The following TOP1MT variants were observed in gnomAD, a reference collection of about 807,000 sequenced individuals.
The protein encoded by TOP1MT is DNA topoisomerase I mitochondrial, also known as DNA topoisomerase I, mitochondrial.
A neutral mutation model predicts 73.9 loss-of-function variants in TOP1MT; 80 were observed. That is an observed-to-expected ratio of 1.08 (90% CI 0.90 to 1.30). The LOEUF (loss-of-function observed/expected upper bound fraction) is 1.30. Among genes scored for constraint, TOP1MT ranks in the 50% most tolerant of loss-of-function variants. TOP1MT has a pLI of 0.00. For missense variants in TOP1MT, 815 were observed against 808.0 expected (o/e 1.01, Z -0.10); for synonymous variants, 338 against 326.4 (o/e 1.04, Z -0.38).
intron 12 of TOP1MT, among the ~76,000 whole-genome samples, chr8:143,313,281 T>G (rs144658428): frequency 1.3e-5 from 2 of 152,310 alleles, no homozygotes; most frequent in African/African-American, 2.4e-5. Flanking sequence ...CCGGGCGCAG[T>G]TGCTCACACC....
Position 143,325,297 on chromosome 8 carries a change from C to A in TOP1MT, c.671+49G>T, listed in dbSNP as rs747614398. On this transcript the variant is annotated intron_variant, in intron 5 of 13. Transcript: ENST00000329245. ...GGAGGTGAAGAAAAGCCAGCCTCAC[C>A]CGGGTGGCGGGGGTCCAGTGCCCGC... 11 of 1,525,724 alleles carry A rather than the reference C, an allele frequency of 7.2e-6. No homozygotes were observed. In the African/African-American group the frequency reaches 9.7e-5, roughly 13 times the overall value. 94.5% of individuals were successfully genotyped at this position (1,525,724 alleles called of 1,614,324 possible). A position where few individuals can be genotyped will look rare whatever the true frequency, so the allele number is the denominator to read the frequency against.
chr8:143,326,129 C>T, intron 4 of TOP1MT, 93 bp downstream of exon 4: 1 of 1,450,778 alleles, frequency 6.9e-7, no homozygotes, highest in Non-Finnish European at 9.3e-7. Context: ...AGGGGCTTCT[C>T]TAAGGCCACA....
At chr8:143,345,232 C>A (rs1817199992), upstream of TOP1MT, among the ~76,000 whole-genome samples, 1 of 152,216 alleles carries the variant, frequency 6.6e-6, no homozygotes, top group African/African-American at 2.4e-5. Context: ...GGAGCTTACC[C>A]TCACTGGGCA....
chr8:143,352,281 C>T (rs1007989679), intron 1 of TOP1MT, among the ~76,000 whole-genome samples: 1 of 152,170 alleles, frequency 6.6e-6, no homozygotes, highest in African/African-American at 2.4e-5. Flanking sequence ...ATTCATACTT[C>T]CTGATTTCAA....
Position 143,334,810 on chromosome 8 carries a change from C to T in TOP1MT, c.52G>A (p.Glu18Lys). Residue 18 changes from glutamate to lysine, a missense_variant, in exon 1 of 14, where the codon GAG (glutamate) becomes AAG (lysine). Physicochemically the swap from Glu to Lys is moderately conservative, Grantham distance 56. Transcript: ENST00000329245. ...RLRAALTLLGEVPRRPASRGV... is the reference protein window; with the variant it reads ...RLRAALTLLGKVPRRPASRGV... ...CGGGAGGCCGGGCGGCGGGGGACCT[C>T]CCCGAGCAGCGTCAGAGCCGCCCGG... The T allele has an allele frequency of 6.4e-7, 1 of 1,566,968 alleles. No homozygotes were observed. Among genetic ancestry groups the T allele is most frequent in the Non-Finnish European group, 8.6e-7 (1 of 1,164,508 alleles).
chr8:143,327,698 T>C (rs1413377552), intron 3 of TOP1MT: 4 of 397,338 alleles, frequency 1.0e-5, no homozygotes, highest in Non-Finnish European at 2.0e-5. Context: ...AGAGGGAGAA[T>C]GAGGATGCCG....
Position 143,309,536 on chromosome 8 carries a change from G to T in TOP1MT, c.1711C>A (p.Arg571=), listed in dbSNP as rs151194834. 12 of 1,613,516 alleles carry T rather than the reference G, an allele frequency of 7.4e-6. No individual in the cohort carries two copies. In the South Asian group the frequency reaches 7.7e-5, roughly 10 times the overall value. ...DPRISIAWCK[R]FRVPVEKIYS... ...ATCTTCTCCACTGGCACCCTGAACC[G>T]CTTGCACCTGCGGGAGGCAGCATCA... The change falls in exon 14 of 14, where the codon CGG becomes AGG. Residue 571 remains arginine, a synonymous_variant. Coordinates refer to ENST00000329245, the MANE Select transcript of TOP1MT (RefSeq NM_052963.3).
chr8:143,322,242 CCA>C (rs202179714), intron 7 of TOP1MT, among the ~76,000 whole-genome samples: 2 of 43,098 alleles, frequency 4.6e-5, no homozygotes, highest in Non-Finnish European at 8.6e-5. Flanking sequence ...CACATGCATG[CCA>C]CACACGCACG....
chr8:143,353,489 C>G (rs1022347673), intron 1 of TOP1MT, among the ~76,000 whole-genome samples: 1 of 150,628 alleles, frequency 6.6e-6, no homozygotes, highest in African/African-American at 2.4e-5. Context: ...GGCCGATAAA[C>G]ACATGAAAAG....
chr8:143,350,736 T>C (rs1413207520), intron 1 of TOP1MT, among the ~76,000 whole-genome samples: 1 of 152,276 alleles, frequency 6.6e-6, no homozygotes, highest in Non-Finnish European at 1.5e-5. Flanking sequence ...TAAATCAGAA[T>C]TGAAACAAAG....
chr8:143,326,490 C>A (rs1244233211), intron 3 of TOP1MT, 146 bp from the exon 4 acceptor site: 6 of 1,057,712 alleles, frequency 5.7e-6, no homozygotes, highest in South Asian at 4.5e-5. Flanking sequence ...CACGGTCCTG[C>A]GGCCCCGTAA....
chr8:143,321,647 A>G (rs1371690336), intron 7 of TOP1MT, among the ~76,000 whole-genome samples: 23 of 64,836 alleles, frequency 3.5e-4, no homozygotes, highest in South Asian at 1.4e-3. Context: ...CACGCCACAC[A>G]CAGGCACGCC....
rs1160985811 is a variant in TOP1MT at position 143,321,501 on chromosome 8, CCA to C, written c.961-117_961-116del. On this transcript the variant is annotated intron_variant, in intron 7 of 13. Coordinates refer to ENST00000329245, the MANE Select transcript of TOP1MT (RefSeq NM_052963.3). ...GCCACACGCACGCCACACACGCACG[CCA>C]CACACACGCACTCCACACACGCACG... 168 of 776,472 alleles carry C rather than the reference CCA, an allele frequency of 2.2e-4. 3 individuals are homozygous for C. Among genetic ancestry groups the C allele is most frequent in the African/African-American group, 2.1e-3 (108 of 51,472 alleles). 48.1% of individuals were successfully genotyped at this position (776,472 alleles called of 1,614,324 possible). A position where few individuals can be genotyped will look rare whatever the true frequency, so the allele number is the denominator to read the frequency against.
At chr8:143,322,457 TGCCACACAGGCAC>T (rs1275181254) in intron 7 of TOP1MT, among the ~76,000 whole-genome samples, 5,923 of 56,162 alleles carry the variant, frequency 0.11, 431 homozygotes, top group African/African-American at 0.15. Context: ...CACACAGGCA[TGCCACACAGGCAC>T]GCCACACAGG....
chr8:143,314,945 C>T (rs907807071), intron 12 of TOP1MT, among the ~76,000 whole-genome samples: 6 of 152,144 alleles, frequency 3.9e-5, no homozygotes, highest in South Asian at 2.1e-4. Flanking sequence ...GACAAGAGTG[C>T]GAGCCTTCTG....
upstream of TOP1MT, among the ~76,000 whole-genome samples, chr8:143,338,077 C>T (rs1288851582): frequency 1.3e-5 from 2 of 152,244 alleles, no homozygotes; most frequent in African/African-American, 4.8e-5. Context: ...ACTGATGCTC[C>T]CAGCTGATTA....
chr8:143,318,064 A>T lies in TOP1MT; in HGVS notation c.1169T>A (p.Phe390Tyr). 1 of 1,614,106 alleles carries T rather than the reference A, an allele frequency of 6.2e-7. No individual in the cohort carries two copies. The highest frequency in any genetic ancestry group is 8.5e-7 in the Non-Finnish European group (1 of 1,180,006). The change falls in exon 9 of 14, where the codon TTT becomes TAT. Residue 390 changes from phenylalanine (F) to tyrosine (Y), a missense_variant. Phe to Tyr is a conservative substitution (Grantham distance 22, BLOSUM62 3). Around this residue, in one of 3 missense-constraint regions of TOP1MT, gnomAD observed 751 missense variants for 725.4 expected, o/e 1.04. Transcript: ENST00000329245. ...EKPVYKNLQL[F>Y]MENKDPRDDL... ...GTCCCGGGGGTCCTTGTTCTCCATAAAGAGCTGTAAGTTCTTGTACACCTG... is the reference window on the plus strand; with the variant it reads ...GTCCCGGGGGTCCTTGTTCTCCATATAGAGCTGTAAGTTCTTGTACACCTG...
intron 4 of TOP1MT, among the ~76,000 whole-genome samples, chr8:143,325,737 C>T (rs1367615449): frequency 1.3e-5 from 2 of 152,186 alleles, no homozygotes; most frequent in Admixed American, 6.5e-5. Context: ...GGCCTAACCA[C>T]CCCATGGCCT....
chr8:143,350,474 GGCGCCT>G (rs1387154614), intron 1 of TOP1MT, among the ~76,000 whole-genome samples: 1 of 152,190 alleles, frequency 6.6e-6, no homozygotes, highest in Non-Finnish European at 1.5e-5. Context: ...TGGGATTACA[GGCGCCT>G]GCCACCATGC....
Sources: allele counts gnomAD v4.1 joint callset (sites outside exome capture counted in the v4.1 genomes callset), GRCh38; gene constraint gnomAD v4.1.1; regional missense constraint gnomAD v4.1.1; transcripts MANE v1.5; gene names NCBI Gene and HGNC (gene_info 2026-07-23, HGNC 2026-07-21).